The following FAM199X variants were observed in gnomAD, a reference collection of about 807,000 sequenced individuals.
The protein encoded by FAM199X is family with sequence similarity 199, X-linked.
Under a neutral mutation model 22.9 loss-of-function variants are expected in FAM199X, and 4 were observed. The ratio of observed to expected loss-of-function variants is 0.17; its 90% confidence interval spans 0.09 to 0.40. The LOEUF (loss-of-function observed/expected upper bound fraction) is 0.40. FAM199X is among the 10% of genes least tolerant of loss of function. The probability of loss-of-function intolerance (pLI) is 1.00; values close to 1 mark genes in which losing one functional copy is unlikely to be tolerated. For missense variants in FAM199X, 183 were observed against 306.8 expected, an observed-to-expected ratio of 0.60 and a Z score of 3.01; for synonymous variants, 101 against 112.3, an observed-to-expected ratio of 0.90 and a Z score of 0.64.
At chrX:104,164,526 CTCATT>C (rs1347509389), upstream of FAM199X, among the ~76,000 whole-genome samples, 2 of 111,635 alleles carry the variant, frequency 1.8e-5, no homozygotes, top group Admixed American at 9.6e-5. Flanking sequence ...CACAGACTCT[CTCATT>C]AGACTCCGCT....
At chrX:104,185,606 C>CT (rs782244165) in intron 2 of FAM199X, among the ~76,000 whole-genome samples, 1 of 111,273 alleles carries the variant, frequency 9.0e-6, no homozygotes, top group Non-Finnish European at 1.9e-5. Flanking sequence ...TGCCATTAGT[C>CT]TTTTTTCTTT....
chrX:104,185,954 G>A, intron 2 of FAM199X, 112 bp from the exon 3 acceptor site: 1 of 768,363 alleles, frequency 1.3e-6, no homozygotes, highest in South Asian at 2.7e-5. Context: ...CCAGCAGCAC[G>A]TCAGTCTCAT....
chrX:104,177,545 G>GT (rs1921522223), intron 2 of FAM199X, among the ~76,000 whole-genome samples: 1 of 112,155 alleles, frequency 8.9e-6, no homozygotes, highest in African/African-American at 3.2e-5. Flanking sequence ...CTGCCAACAT[G>GT]TTTTCCAGAG....
rs781951903 is a variant in FAM199X at position 104,186,591 on chromosome X, T to G, written c.699T>G (p.Leu233=). 9 of 1,208,418 alleles carry G rather than the reference T, an allele frequency of 7.4e-6. No individual in the cohort carries two copies. Among genetic ancestry groups the G allele is most frequent in the Non-Finnish European group, 1.0e-5 (9 of 894,063 alleles). ...SPTDSEFIIE[L]NCLTDEKLKQ... ...CAGACAGTGAGTTTATTATTGAACT[T>G]AACTGTCTCACAGATGAAAAACTGA... is the stretch of plus-strand genomic sequence containing the variant. The change falls in exon 4 of 6, where the codon CTT becomes CTG. Residue 233 remains leucine (L), a synonymous_variant. Transcript: ENST00000493442.
intron 2 of FAM199X, among the ~76,000 whole-genome samples, chrX:104,177,693 C>T (rs1010554900): frequency 1.8e-5 from 2 of 111,900 alleles, no homozygotes; most frequent in Non-Finnish European, 3.8e-5. Context: ...TGGTTTTGAG[C>T]ATCTTTTCAT....
chrX:104,186,961 A>G (rs1436103276), intron 4 of FAM199X, among the ~76,000 whole-genome samples: 2 of 111,999 alleles, frequency 1.8e-5, no homozygotes, highest in Admixed American at 1.9e-4. Flanking sequence ...CTAATTAATG[A>G]GAGCTATTCT....
In FAM199X at chrX:104,166,599, A is replaced by T; in HGVS notation, c.-187A>T. 1 of 361,665 alleles carries T rather than the reference A, an allele frequency of 2.8e-6. No homozygotes were observed. The highest frequency in any genetic ancestry group is 4.7e-6 in the Non-Finnish European group (1 of 212,045). The allele number at this position is 361,665 out of a possible 1,213,427, so 29.8% of individuals were successfully genotyped here. A position where few individuals can be genotyped will look rare whatever the true frequency, so the allele number is the denominator to read the frequency against. ...TGGCCGGTGGGCCGCTGTGGCCTCG[A>T]GCAGCCTCTTCGCGCGGCCCCGCAC... On this transcript the variant is annotated 5_prime_UTR_variant, in exon 1 of 6. Transcript: ENST00000493442.
At chrX:104,165,601 G>T (rs144659717), upstream of FAM199X, among the ~76,000 whole-genome samples, 6,721 of 110,654 alleles carry the variant, frequency 0.061, 221 homozygotes, top group Non-Finnish European at 0.096. Flanking sequence ...GTCTTCTTTG[G>T]GCAAAGTAAG....
chrX:104,186,201 A>G lies in FAM199X; in HGVS notation c.553A>G (p.Thr185Ala). ...AGATGAACTCCCTTGGAGTGCAATG[A>G]CAAATGATGAGCAGGTAAAGATCTT... is the stretch of plus-strand genomic sequence containing the variant. ...NLDELPWSAM[T>A]NDEQVEYIEY... Residue 185 changes from threonine to alanine, a missense_variant, in exon 3 of 6, where the codon ACA becomes GCA. Physicochemically the swap from Thr to Ala is moderately conservative, Grantham distance 58. Coordinates refer to ENST00000493442, the MANE Select transcript of FAM199X (RefSeq NM_207318.4). 1 of 1,208,123 alleles carries G rather than the reference A, an allele frequency of 8.3e-7. No individual in the cohort carries two copies. Among genetic ancestry groups the G allele is most frequent in the Non-Finnish European group, 1.1e-6 (1 of 894,799 alleles).
the FAM199X span, among the ~76,000 whole-genome samples, chrX:104,161,403 C>T: frequency 1.3e-4 from 15 of 112,072 alleles, no homozygotes; most frequent in Non-Finnish European, 2.4e-4. Context: ...TATGACTTTC[C>T]TAACTTATCT....
chrX:104,186,464 A>G lies in FAM199X; in HGVS notation c.572A>G (p.Glu191Gly). 1.7e-6 allele frequency: 2 copies of G among 1,207,243 alleles called. No individual in the cohort carries two copies. The highest frequency in any genetic ancestry group is 2.2e-6 in the Non-Finnish European group (2 of 893,972). The change falls in exon 4 of 6, where the codon GAA becomes GGA. Residue 191 changes from glutamate to glycine, a missense_variant. Glu to Gly is a moderately conservative substitution (Grantham distance 98). Around this residue, in one of 2 missense-constraint regions of FAM199X, gnomAD observed 128 missense variants for 246.2 expected, o/e 0.52. Transcript: ENST00000493442. The stretch of plus-strand genomic sequence containing the variant: ...TGTAATTTTTTCATCACATAGGTGG[A>G]ATATATTGAGTATCTGAGTCGGAAA... ...WSAMTNDEQV[E>G]YIEYLSRKVS...
chrX:104,186,669 C>T (rs1556379220), intron 4 of FAM199X, 48 bp downstream of exon 4: 7 of 1,069,765 alleles, frequency 6.5e-6, no homozygotes, highest in Non-Finnish European at 8.8e-6. Flanking sequence ...ATACCACCAT[C>T]TTATAAAATG....
intron 2 of FAM199X, among the ~76,000 whole-genome samples, chrX:104,178,307 C>T (rs1273968146): frequency 9.0e-6 from 1 of 111,144 alleles, no homozygotes; most frequent in Admixed American, 9.5e-5. Context: ...GCAGGGATTA[C>T]AGGCACCCAC....
At position 104,190,495 on chromosome X, in the gene FAM199X, A is replaced by C. The variant is rs1569468496; in HGVS notation, c.*717A>C. 1 of 111,948 alleles carries C rather than the reference A, an allele frequency of 8.9e-6. No individual in the cohort carries two copies. 9.2% of individuals were successfully genotyped at this position (111,948 alleles called of 1,213,427 possible). A position where few individuals can be genotyped will look rare whatever the true frequency, so the allele number is the denominator to read the frequency against. On this transcript the variant is annotated 3_prime_UTR_variant, in exon 6 of 6. Coordinates refer to ENST00000493442, the MANE Select transcript of FAM199X (RefSeq NM_207318.4). ...TTATGTAAGTTCAGAATCCTTTTTT[A>C]AGTGATGACTACTGATGAAATAATG...
chrX:104,183,568 G>A (rs1309599889), intron 2 of FAM199X, among the ~76,000 whole-genome samples: 1 of 110,382 alleles, frequency 9.1e-6, no homozygotes, highest in Admixed American at 9.6e-5. Flanking sequence ...GGGTTCAAAC[G>A]ATACTCCTAC....
At chrX:104,181,739 A>G (rs1361498469) in intron 2 of FAM199X, among the ~76,000 whole-genome samples, 1 of 111,723 alleles carries the variant, frequency 9.0e-6, no homozygotes, top group Non-Finnish European at 1.9e-5. Context: ...GGATTCTGCC[A>G]CTAGTTGTAT....
chrX:104,160,982 C>T, the FAM199X span, among the ~76,000 whole-genome samples: 1 of 111,644 alleles, frequency 9.0e-6, no homozygotes, highest in Non-Finnish European at 1.9e-5. Context: ...TTACCTATTT[C>T]TGAATATATT....
chrX:104,187,475 C>G (rs1556379450), intron 4 of FAM199X, among the ~76,000 whole-genome samples: 1 of 111,818 alleles, frequency 8.9e-6, no homozygotes, highest in African/African-American at 3.2e-5. Flanking sequence ...TGATTTGTTT[C>G]TTTGTTTTGC....
chrX:104,185,087 T>C lies in FAM199X; in HGVS notation c.418-979T>C, dbSNP rs552148009. Among the ~76,000 whole-genome samples the C allele has an allele frequency of 1.6e-4, 16 of 103,162 alleles. No homozygotes were observed. The South Asian group carries it at 4.1e-3, about 27-fold the overall frequency. The allele number at this position is 103,162 out of a possible 115,157, so 89.6% of individuals were successfully genotyped here. A position where few individuals can be genotyped will look rare whatever the true frequency, so the allele number is the denominator to read the frequency against. ...ATTTTTTTTTTTTTTTTTTTTTTTT[T>C]AGAGAGACGGGGTCTCGCCACATTG... is the stretch of plus-strand genomic sequence containing the variant. On this transcript the variant is annotated intron_variant, in intron 2 of 5. Coordinates refer to ENST00000493442, the MANE Select transcript of FAM199X (RefSeq NM_207318.4).
Sources: gnomAD v4.1 joint callset for allele counts (sites outside exome capture counted in the v4.1 genomes callset) on GRCh38, gnomAD v4.1.1 for gene constraint, gnomAD v4.1.1 regional missense constraint, MANE v1.5 for transcripts, NCBI Gene and HGNC (gene_info 2026-07-23, HGNC 2026-07-21) for gene names.